Variants in BTK observed in about 807,000 individuals in gnomAD.
The protein encoded by BTK is Bruton tyrosine kinase.
Under a neutral mutation model 57.4 loss-of-function variants are expected in BTK, and 5 were observed. The observed-to-expected ratio is 0.09, with a 90% CI of 0.05 to 0.18. The LOEUF is 0.18. Among genes scored for constraint, BTK ranks in the 10% least tolerant of loss-of-function variants. BTK has a pLI of 1.00. For missense variants in BTK, 194 were observed against 501.2 expected (o/e 0.39, Z 5.85); for synonymous variants, 154 against 174.3 (o/e 0.88, Z 0.92).
chrX:101,375,605 G>A (rs1927186130), intron 1 of BTK, among the ~76,000 whole-genome samples: 1 of 112,279 alleles, frequency 8.9e-6, no homozygotes, highest in Admixed American at 9.5e-5. Flanking sequence ...CTGTGTGCTT[G>A]GTAAGGTGTA....
At chrX:101,377,450 T>C (rs1927249302) in intron 1 of BTK, among the ~76,000 whole-genome samples, 1 of 111,188 alleles carries the variant, frequency 9.0e-6, no homozygotes, top group South Asian at 3.9e-4. Flanking sequence ...GACCAGTAAA[T>C]GGGGTCAGAA....
intron 5 of BTK, among the ~76,000 whole-genome samples, chrX:101,367,637 A>T (rs781915061): frequency 9.8e-6 from 1 of 102,220 alleles, no homozygotes; most frequent in South Asian, 4.6e-4. Flanking sequence ...ACTCCATCTC[A>T]AAATAAATAA....
At chrX:101,385,006 T>A (rs1373401847) in intron 1 of BTK, among the ~76,000 whole-genome samples, 1 of 111,433 alleles carries the variant, frequency 9.0e-6, no homozygotes, top group Admixed American at 9.6e-5. Flanking sequence ...CACTTACTAT[T>A]GCCAGGCCCT....
intron 6 of BTK, 100 bp from the exon 7 acceptor site, chrX:101,362,340 A>G (rs1312158565): frequency 1.9e-6 from 2 of 1,051,857 alleles, no homozygotes; most frequent in African/African-American, 3.7e-5. Context: ...GAGTGCCTTT[A>G]GGCAAGTTAG....
intron 1 of BTK, among the ~76,000 whole-genome samples, chrX:101,381,410 T>C (rs1382789559): frequency 1.8e-5 from 2 of 111,944 alleles, no homozygotes; most frequent in Non-Finnish European, 3.8e-5. Flanking sequence ...CTATGAAATG[T>C]GGTAGAATTA....
intron 1 of BTK, among the ~76,000 whole-genome samples, chrX:101,383,961 G>A (rs1389495249): frequency 1.8e-5 from 2 of 111,558 alleles, no homozygotes; most frequent in African/African-American, 6.5e-5. Flanking sequence ...AGTCAAATAT[G>A]TCAAGGCCTC....
intron 1 of BTK, among the ~76,000 whole-genome samples, chrX:101,381,457 G>A (rs1447074312): frequency 2.7e-5 from 3 of 111,602 alleles, no homozygotes; most frequent in South Asian, 3.7e-4. Context: ...TTTGGCCTAC[G>A]GAAAATCTCT....
At chrX:101,368,834 A>C (rs1050604913) in intron 5 of BTK, among the ~76,000 whole-genome samples, 3 of 112,389 alleles carry the variant, frequency 2.7e-5, no homozygotes, top group East Asian at 2.8e-4. Context: ...TATAATTTTG[A>C]CCAACCAAAC....
At chrX:101,385,013 C>T (rs782418136) in intron 1 of BTK, among the ~76,000 whole-genome samples, 2 of 111,329 alleles carry the variant, frequency 1.8e-5, no homozygotes, top group African/African-American at 6.5e-5. Flanking sequence ...TATTGCCAGG[C>T]CCTGTTTTAA....
At chrX:101,377,817 T>C (rs73250684) in intron 1 of BTK, 12 of 111,611 alleles carry the variant, frequency 1.1e-4, no homozygotes, top group East Asian at 5.7e-4. Context: ...CTCTAGATCA[T>C]TGAGCTAGAG....
Position 101,356,930 on chromosome X carries a change from G to T in BTK, c.1203C>A (p.Asp401Glu). The T allele has an allele frequency of 1.7e-6, 2 of 1,211,871 alleles. No homozygotes were observed. The highest frequency in any genetic ancestry group is 2.2e-6 in the Non-Finnish European group (2 of 895,507). The stretch of plus-strand genomic sequence containing the variant: ...TCCCCAGCTCCTTCAAGAAGGTCAG[G>T]TCCTTTGGATCAATTTCCCATGATC... ...GYGSWEIDPK[D>E]LTFLKELGTG... Residue 401 changes from aspartate to glutamate, a missense_variant, in exon 14 of 19, where the codon GAC (aspartate) becomes GAA (glutamate). By Grantham distance (45) the Asp-to-Glu change is conservative. This residue lies in a region of BTK where 79 missense variants were observed against 217.7 expected (regional missense o/e 0.36). Coordinates refer to ENST00000308731, the MANE Select transcript of BTK (RefSeq NM_000061.3).
rs782133950 is a variant in BTK at position 101,356,805 on chromosome X, A to G, written c.1328T>C (p.Ile443Thr). The change falls in exon 14 of 19, where the codon ATT becomes ACT. Residue 443 changes from isoleucine (I) to threonine (T), a missense_variant. By Grantham distance (89) the Ile-to-Thr change is moderately conservative (BLOSUM62 -1). Around this residue, in one of 3 missense-constraint regions of BTK, gnomAD observed 79 missense variants for 217.7 expected, o/e 0.36. Coordinates refer to ENST00000308731, the MANE Select transcript of BTK (RefSeq NM_000061.3). ...TCACATCATGACTTTGGCTTCTTCA[A>G]TGAATTCATCTTCAGACATGGAGCC... ...KEGSMSEDEF[I>T]EEAKVMMNLS... is the part of the protein sequence containing the mutation. 2.8e-5 allele frequency: 34 copies of G among 1,210,351 alleles called. No homozygotes were observed. Among genetic ancestry groups the G allele is most frequent in the Non-Finnish European group, 3.4e-5 (30 of 895,353 alleles).
chrX:101,353,784 T>C (rs1000202210), intron 17 of BTK, 86 bp downstream of exon 17: 1 of 789,316 alleles, frequency 1.3e-6, no homozygotes, highest in Non-Finnish European at 2.0e-6. Context: ...AAGAACAATA[T>C]CTCTGTGGAG....
chrX:101,349,853 GAGA>G lies in BTK; in HGVS notation c.*29_*31del. The G allele has an allele frequency of 1.7e-6, 2 of 1,150,241 alleles. No homozygotes were observed. The highest frequency in any genetic ancestry group is 2.4e-6 in the Non-Finnish European group (2 of 840,204). The allele number at this position is 1,150,241 out of a possible 1,213,427, so 94.8% of individuals were successfully genotyped here. On this transcript the variant is annotated 3_prime_UTR_variant, in exon 19 of 19. Coordinates refer to ENST00000308731, the MANE Select transcript of BTK (RefSeq NM_000061.3). ...AAGTGAAATTGGGGCTTGTGGAGAA[GAGA>G]AGTAGAACCAAGAAGCTTATTGGCG... is the stretch of plus-strand genomic sequence containing the variant.
chrX:101,378,083 A>ATTTT (rs536846518), intron 1 of BTK: 1,103 of 90,139 alleles, frequency 0.012, 25 homozygotes, highest in Non-Finnish European at 0.018. Flanking sequence ...GAAAGGCCCC[A>ATTTT]TTTTTTTTTT....
Position 101,361,213 on chromosome X carries a change from C to CA in BTK, c.589-459dup, listed in dbSNP as rs376900161. On this transcript the variant is annotated intron_variant, in intron 7 of 18. Transcript: ENST00000308731. Reference sequence around the variant, plus strand: ...CCTGGGTGACAGAGTGAGACTGTCTCAAAAAAAAACCCACAAAAAACAAAA... The same window carrying CA: ...CCTGGGTGACAGAGTGAGACTGTCTCAAAAAAAAAACCCACAAAAAACAAAA... Among the ~76,000 whole-genome samples, 504 of 107,600 alleles carry CA rather than the reference C, an allele frequency of 4.7e-3. 3 individuals carry two copies. Among genetic ancestry groups the CA allele is most frequent in the African/African-American group, 0.015 (449 of 29,562 alleles). 93.4% of individuals were successfully genotyped at this position (107,600 alleles called of 115,157 possible).
intron 3 of BTK, among the ~76,000 whole-genome samples, chrX:101,372,725 G>A (rs1222131654): frequency 1.2e-4 from 13 of 108,193 alleles, no homozygotes; most frequent in African/African-American, 4.3e-4. Flanking sequence ...GATTACAGGC[G>A]TGAGCCACCA....
chrX:101,373,898 A>G (rs1458346913), intron 3 of BTK, among the ~76,000 whole-genome samples: 1 of 110,355 alleles, frequency 9.1e-6, no homozygotes, highest in Non-Finnish European at 1.9e-5. Context: ...ACGAAAAATT[A>G]GCCAGGCATG....
chrX:101,350,670 T>C (rs1447543003), intron 18 of BTK, among the ~76,000 whole-genome samples: 1 of 110,537 alleles, frequency 9.0e-6, no homozygotes, highest in Non-Finnish European at 1.9e-5. Flanking sequence ...TAGTCTCGAA[T>C]TCCTGACCTA....
Sources: allele counts gnomAD v4.1 joint callset (sites outside exome capture counted in the v4.1 genomes callset), GRCh38; gene constraint gnomAD v4.1.1; regional missense constraint gnomAD v4.1.1; transcripts MANE v1.5; gene names NCBI Gene and HGNC (gene_info 2026-07-23, HGNC 2026-07-21).